Variants in NOSTRIN observed in about 807,000 individuals in gnomAD.
NOSTRIN encodes the protein BM247 homolog.
A neutral mutation model predicts 59.0 loss-of-function variants in NOSTRIN; 63 were observed. The ratio of observed to expected loss-of-function variants is 1.07; its 90% CI spans 0.87 to 1.32. The LOEUF (loss-of-function observed/expected upper bound fraction) is 1.32, where lower values mean the gene tolerates loss of function less well. NOSTRIN is among the 40% of genes most tolerant of loss of function. NOSTRIN has a pLI of 0.00. For missense variants in NOSTRIN, 512 were observed against 473.1 expected, an observed-to-expected ratio of 1.08 and a Z score of -0.76; for synonymous variants, 200 against 165.4, an observed-to-expected ratio of 1.21 and a Z score of -1.61.
intron 6 of NOSTRIN, among the ~76,000 whole-genome samples, chr2:168,833,730 C>G (rs1687507530): frequency 6.6e-6 from 1 of 152,172 alleles, no homozygotes; most frequent in East Asian, 1.9e-4. Context: ...AGATGCCAGA[C>G]AAATGCCCAA....
chr2:168,843,126 T>C lies in NOSTRIN; in HGVS notation c.630+9T>C. 1 of 861,080 alleles carries C rather than the reference T, an allele frequency of 1.2e-6. No homozygotes were observed. The highest frequency in any genetic ancestry group is 2.0e-6 in the Non-Finnish European group (1 of 497,060). The allele number at this position is 861,080 out of a possible 1,614,324, so 53.3% of individuals were successfully genotyped here. A position where few individuals can be genotyped will look rare whatever the true frequency, so the allele number is the denominator to read the frequency against. On this transcript the variant is annotated intron_variant, in intron 8 of 15. Transcript: ENST00000317647. ...TAGAGAACTGCTACCAGGTAAGTTA[T>C]ATATTCACATTTTTTTCTTCTTCTG...
chr2:168,813,405 ACT>A (rs1686247472), intron 2 of NOSTRIN, among the ~76,000 whole-genome samples: 1 of 151,284 alleles, frequency 6.6e-6, no homozygotes, highest in South Asian at 2.1e-4. Context: ...GAACTGAAAA[ACT>A]CTGAGGGAGT....
chr2:168,838,025 G>A (rs1027592230), intron 7 of NOSTRIN, among the ~76,000 whole-genome samples: 3 of 152,030 alleles, frequency 2.0e-5, no homozygotes, highest in African/African-American at 7.3e-5. Flanking sequence ...GTCTGATACA[G>A]TACTCTTGAT....
Position 168,863,579 on chromosome 2 carries a change from T to C in NOSTRIN, c.1385-1255T>C, listed in dbSNP as rs140412762. 3.7e-5 allele frequency: 36 copies of C among 985,234 alleles called. No homozygotes were observed. The East Asian group carries it at 3.1e-3, about 84-fold the overall frequency. 61.0% of individuals were successfully genotyped at this position (985,234 alleles called of 1,614,324 possible). A position where few individuals can be genotyped will look rare whatever the true frequency, so the allele number is the denominator to read the frequency against. ...ATTTGAATCATTGCTTTAAAAAATA[T>C]TGTCTCCAAATTGATGTTGTATTAA... is the stretch of plus-strand genomic sequence containing the variant. On this transcript the variant is annotated intron_variant, in intron 15 of 15. Coordinates refer to ENST00000317647, the MANE Select transcript of NOSTRIN (RefSeq NM_001039724.4).
At position 168,856,694 on chromosome 2, in the gene NOSTRIN, G is replaced by A; in HGVS notation, c.969G>A (p.Leu323=). The change falls in exon 12 of 16, where the codon CTG becomes CTA. Residue 323 remains leucine (L), a synonymous_variant. Transcript: ENST00000317647. Reference sequence around the variant, plus strand: ...AGAACATGATTTCATTTTCAGGCCTGGAACGAATGCTTAAAACGTACTCCA... The same window carrying A: ...AGAACATGATTTCATTTTCAGGCCTAGAACGAATGCTTAAAACGTACTCCA... The part of the protein sequence containing the change: ...IEKASKDKEG[L]ERMLKTYSST... 6.2e-7 allele frequency: 1 copy of A among 1,614,030 alleles called. No individual in the cohort carries two copies. The highest frequency in any genetic ancestry group is 8.5e-7 in the Non-Finnish European group (1 of 1,179,920).
intron 2 of NOSTRIN, among the ~76,000 whole-genome samples, chr2:168,820,267 C>A (rs777544043): frequency 2.1e-4 from 32 of 151,830 alleles, no homozygotes; most frequent in Admixed American, 1.3e-3. Context: ...TGACCCAACT[C>A]TCTGTGCCTT....
rs1574264456 is a variant in NOSTRIN, at chr2:168,811,587, C to A, written c.48C>A (p.Asn16Lys). ...TDCPYNKVYKNLKEFSQNGEN... is the reference protein window; with the variant it reads ...TDCPYNKVYKKLKEFSQNGEN... ...TTCAGTATAATAAAGTATACAAGAACCTAAAGGAGTTTTCTCAAAATGGAG... is the reference window on the plus strand; with the variant it reads ...TTCAGTATAATAAAGTATACAAGAAACTAAAGGAGTTTTCTCAAAATGGAG... The change falls in exon 2 of 16, where the codon AAC (asparagine) becomes AAA (lysine). Residue 16 changes from asparagine to lysine, a missense_variant. Asn to Lys is a moderately conservative substitution (Grantham distance 94). Transcript: ENST00000317647. The A allele has an allele frequency of 1.2e-6, 1 of 859,986 alleles. No individual in the cohort carries two copies. Among genetic ancestry groups the A allele is most frequent in the East Asian group, 2.4e-5 (1 of 41,026 alleles). The allele number at this position is 859,986 out of a possible 1,614,324, so 53.3% of individuals were successfully genotyped here.
intron 15 of NOSTRIN, chr2:168,863,613 A>G: frequency 1.0e-6 from 1 of 985,254 alleles, no homozygotes; most frequent in Non-Finnish European, 1.2e-6. Context: ...AAAGTTGTCT[A>G]AGTTGTTGAA....
At chr2:168,803,392 A>G (rs900193136) in intron 1 of NOSTRIN, among the ~76,000 whole-genome samples, 2 of 152,214 alleles carry the variant, frequency 1.3e-5, no homozygotes, top group African/African-American at 2.4e-5. Context: ...GTTTTATCCC[A>G]ACACATGGGG....
At chr2:168,793,993 T>G (rs926937646), upstream of NOSTRIN, among the ~76,000 whole-genome samples, 1 of 152,228 alleles carries the variant, frequency 6.6e-6, no homozygotes, top group African/African-American at 2.4e-5. Flanking sequence ...TACATTTCTG[T>G]AAAGACCTCT....
intron 11 of NOSTRIN, 106 bp from the exon 12 acceptor site, chr2:168,856,584 A>AT (rs2105777769): frequency 3.1e-6 from 3 of 975,382 alleles, no homozygotes; most frequent in South Asian, 1.4e-5. Context: ...TAAAAAAAAA[A>AT]ATCTCACTGG....
intron 6 of NOSTRIN, among the ~76,000 whole-genome samples, chr2:168,832,367 C>G (rs1244260241): frequency 6.6e-6 from 1 of 152,178 alleles, no homozygotes. Flanking sequence ...GAATTCATTT[C>G]AGGTAGAAAG....
At chr2:168,831,326 AT>A in intron 5 of NOSTRIN, 145 bp from the exon 6 acceptor site, 1 of 587,764 alleles carries the variant, frequency 1.7e-6, no homozygotes, top group Non-Finnish European at 3.2e-6. Flanking sequence ...TGAACTAATC[AT>A]TTCTCAGAGC....
At chr2:168,792,631 GTTTGTTTTGT>G (rs1163770170) in intron 2 of NOSTRIN, among the ~76,000 whole-genome samples, 1 of 151,614 alleles carries the variant, frequency 6.6e-6, no homozygotes, top group Non-Finnish European at 1.5e-5. Flanking sequence ...TTGTTTGTTT[GTTTGTTTTGT>G]TTTGTTTTTT....
chr2:168,795,906 T>C (rs1685466635), upstream of NOSTRIN, among the ~76,000 whole-genome samples: 1 of 152,220 alleles, frequency 6.6e-6, no homozygotes, highest in Non-Finnish European at 1.5e-5. Flanking sequence ...CTAAGTTGGA[T>C]AGTTTTTTTT....
chr2:168,836,306 A>G (rs945918693), intron 7 of NOSTRIN, among the ~76,000 whole-genome samples: 4 of 152,228 alleles, frequency 2.6e-5, no homozygotes, highest in Non-Finnish European at 5.9e-5. Context: ...AGAAAAAAGC[A>G]TGGCAGCTAA....
Position 168,828,015 on chromosome 2 carries a change from T to C in NOSTRIN, c.198-143T>C, listed in dbSNP as rs147488931. 4,205 of 670,488 alleles carry C rather than the reference T, an allele frequency of 6.3e-3. 27 individuals are homozygous for C. The highest frequency in any genetic ancestry group is 9.0e-3 in the Non-Finnish European group (3,266 of 364,066). 41.5% of individuals were successfully genotyped at this position (670,488 alleles called of 1,614,324 possible). On this transcript the variant is annotated intron_variant, in intron 3 of 15. Coordinates refer to ENST00000317647, the MANE Select transcript of NOSTRIN (RefSeq NM_001039724.4). ...AATGTATTGGCAGAATGTAATCTCA[T>C]AGAGAAATTGAAATAAGGTTAGGGA...
chr2:168,832,021 C>G (rs1177971530), intron 6 of NOSTRIN, among the ~76,000 whole-genome samples: 1 of 151,876 alleles, frequency 6.6e-6, no homozygotes, highest in East Asian at 1.9e-4. Context: ...TTGTTTTTTT[C>G]ATTTGTAGAA....
At chr2:168,822,988 G>A (rs753572865) in intron 2 of NOSTRIN, among the ~76,000 whole-genome samples, 1 of 152,152 alleles carries the variant, frequency 6.6e-6, no homozygotes, top group Non-Finnish European at 1.5e-5. Context: ...ACAGTTTTCT[G>A]TTCCTTACTA....
Sources: gnomAD v4.1 joint callset for allele counts (sites outside exome capture counted in the v4.1 genomes callset) on GRCh38, gnomAD v4.1.1 for gene constraint, MANE v1.5 for transcripts, NCBI Gene and HGNC (gene_info 2026-07-23, HGNC 2026-07-21) for gene names.